Variants in SH3GL2 observed in about 807,000 individuals in gnomAD.
SH3GL2 encodes endophilin-A1.
Under a neutral mutation model 46.0 loss-of-function variants are expected in SH3GL2, and 24 were observed. That is an observed-to-expected ratio of 0.52 (90% CI 0.38 to 0.73). The LOEUF (loss-of-function observed/expected upper bound fraction) is 0.73. Ranked by LOEUF, SH3GL2 falls within the 30% of genes least tolerant of loss-of-function variation. The pLI, the probability that SH3GL2 is intolerant of heterozygous loss-of-function variation, is 0.00. For missense variants in SH3GL2, 413 were observed against 424.2 expected (o/e 0.97, Z 0.23); for synonymous variants, 196 against 147.1 (o/e 1.33, Z -2.40).
At chr9:17,749,195 A>G (rs1049851881) in intron 2 of SH3GL2, among the ~76,000 whole-genome samples, 4 of 152,210 alleles carry the variant, frequency 2.6e-5, no homozygotes, top group African/African-American at 9.6e-5. Context: ...GGTTCTAAAT[A>G]CCACCTGATC....
intron 1 of SH3GL2, among the ~76,000 whole-genome samples, chr9:17,640,804 A>G (rs1400357122): frequency 6.6e-6 from 1 of 152,248 alleles, no homozygotes; most frequent in Non-Finnish European, 1.5e-5. Context: ...AGACTGTATT[A>G]TACAGATATT....
intron 3 of SH3GL2, among the ~76,000 whole-genome samples, chr9:17,770,825 A>G (rs1409399494): frequency 2.0e-5 from 3 of 152,140 alleles, no homozygotes; most frequent in African/African-American, 7.2e-5. Context: ...AGAGCTCTCA[A>G]TCACACTGCC....
chr9:17,757,316 A>C (rs1007948467), intron 2 of SH3GL2, among the ~76,000 whole-genome samples: 4 of 152,226 alleles, frequency 2.6e-5, no homozygotes, highest in Non-Finnish European at 4.4e-5. Flanking sequence ...AATGGGATCT[A>C]ATTAAACTAA....
intron 1 of SH3GL2, among the ~76,000 whole-genome samples, chr9:17,710,409 C>T (rs2209437): frequency 0.55 from 84,116 of 151,718 alleles, 24,671 homozygotes; most frequent in African/African-American, 0.74. Flanking sequence ...TTAAGGAATT[C>T]TAAGCCTTGG....
At chr9:17,743,422 A>C (rs988230513) in intron 1 of SH3GL2, among the ~76,000 whole-genome samples, 3 of 152,144 alleles carry the variant, frequency 2.0e-5, no homozygotes, top group Non-Finnish European at 4.4e-5. Flanking sequence ...TAATAACATC[A>C]TTCGCTATAT....
chr9:17,725,571 C>G (rs1168596428), intron 1 of SH3GL2, among the ~76,000 whole-genome samples: 1 of 152,144 alleles, frequency 6.6e-6, no homozygotes, highest in African/African-American at 2.4e-5. Context: ...TGCCATTTCT[C>G]CTGCACAGAA....
intron 3 of SH3GL2, among the ~76,000 whole-genome samples, chr9:17,784,281 A>T (rs1823894790): frequency 6.6e-6 from 1 of 152,176 alleles, no homozygotes. Flanking sequence ...AATCAGCCAC[A>T]GTGTATTAAA....
intron 1 of SH3GL2, among the ~76,000 whole-genome samples, chr9:17,722,623 C>T (rs1821924083): frequency 6.6e-6 from 1 of 151,774 alleles, no homozygotes; most frequent in Admixed American, 6.6e-5. Context: ...TGTGCTGCAC[C>T]TATTAAAATC....
At chr9:17,617,429 G>T (rs1234925558) in intron 1 of SH3GL2, among the ~76,000 whole-genome samples, 1 of 152,164 alleles carries the variant, frequency 6.6e-6, no homozygotes, top group Non-Finnish European at 1.5e-5. Context: ...GAAGGCAAAT[G>T]GGATTTCATG....
chr9:17,738,186 T>A (rs1359204425), intron 1 of SH3GL2, among the ~76,000 whole-genome samples: 1 of 152,088 alleles, frequency 6.6e-6, no homozygotes, highest in Non-Finnish European at 1.5e-5. Flanking sequence ...GGCATTCAAT[T>A]TGAGTGCTGC....
At chr9:17,587,017 C>T (rs1818390219) in intron 1 of SH3GL2, among the ~76,000 whole-genome samples, 2 of 152,138 alleles carry the variant, frequency 1.3e-5, no homozygotes, top group Non-Finnish European at 2.9e-5. Context: ...GCTTGGCCAA[C>T]ATGGCAAAAC....
At chr9:17,623,096 A>G (rs540979749) in intron 1 of SH3GL2, among the ~76,000 whole-genome samples, 19 of 100,504 alleles carry the variant, frequency 1.9e-4, no homozygotes, top group African/African-American at 7.0e-4. Flanking sequence ...CCCCTTTCCT[A>G]TCTTTGCATT....
intron 3 of SH3GL2, among the ~76,000 whole-genome samples, chr9:17,775,009 G>A (rs1013306370): frequency 6.6e-6 from 1 of 152,080 alleles, no homozygotes; most frequent in Non-Finnish European, 1.5e-5. Context: ...GTTAGTCTTG[G>A]TAGGTTTTGT....
chr9:17,744,207 C>T (rs954436421), intron 1 of SH3GL2, among the ~76,000 whole-genome samples: 1 of 152,054 alleles, frequency 6.6e-6, no homozygotes, highest in Non-Finnish European at 1.5e-5. Context: ...GACATGTGAG[C>T]CAGAACTGTT....
chr9:17,695,469 A>T (rs1265171458), intron 1 of SH3GL2, among the ~76,000 whole-genome samples: 1 of 152,124 alleles, frequency 6.6e-6, no homozygotes, highest in African/African-American at 2.4e-5. Context: ...ATTTTCCCTG[A>T]GTCAGTAAGG....
At chr9:17,772,417 C>T (rs1486319321) in intron 3 of SH3GL2, among the ~76,000 whole-genome samples, 1 of 152,026 alleles carries the variant, frequency 6.6e-6, no homozygotes, top group Non-Finnish European at 1.5e-5. Flanking sequence ...CATAATGTTG[C>T]GTAATCACCA....
At chr9:17,745,069 A>C (rs1822641704) in intron 1 of SH3GL2, among the ~76,000 whole-genome samples, 1 of 152,148 alleles carries the variant, frequency 6.6e-6, no homozygotes, top group Admixed American at 6.5e-5. Flanking sequence ...TTCCTAGCTA[A>C]AGATGTCTAC....
chr9:17,758,128 T>C (rs984161389), intron 2 of SH3GL2, among the ~76,000 whole-genome samples: 4 of 152,318 alleles, frequency 2.6e-5, no homozygotes, highest in South Asian at 2.1e-4. Context: ...ACTACTTTTC[T>C]CCTCATAACA....
intron 3 of SH3GL2, among the ~76,000 whole-genome samples, chr9:17,782,448 A>G (rs979654963): frequency 1.3e-5 from 2 of 152,190 alleles, no homozygotes; most frequent in Non-Finnish European, 2.9e-5. Flanking sequence ...ATGGTAAACC[A>G]TATAGCTTTT....
Sources: gnomAD v4.1 joint callset for allele counts (sites outside exome capture counted in the v4.1 genomes callset) on GRCh38, gnomAD v4.1.1 for gene constraint, MANE v1.5 for transcripts, NCBI Gene and HGNC (gene_info 2026-07-23, HGNC 2026-07-21) for gene names.